The following IGSF21 variants were observed in gnomAD, a reference collection of about 807,000 sequenced individuals.
IGSF21 encodes the protein immunoglobulin superfamily member 21.
In IGSF21, 28 loss-of-function variants were observed where a neutral mutation model predicts 46.8. The ratio of observed to expected loss-of-function variants is 0.60; its 90% CI spans 0.44 to 0.82. The LOEUF is 0.82. IGSF21 is among the 40% of genes least tolerant of loss of function. The probability of loss-of-function intolerance (pLI) is 0.00; values close to 1 mark genes in which losing one functional copy is unlikely to be tolerated. For synonymous variants in IGSF21, 284 were observed against 273.6 expected (o/e 1.04, Z -0.38); for missense variants, 624 against 665.5 (o/e 0.94, Z 0.69).
intron 2 of IGSF21, among the ~76,000 whole-genome samples, chr1:18,264,875 C>T (rs984233871): frequency 1.3e-5 from 2 of 152,108 alleles, no homozygotes; most frequent in African/African-American, 4.8e-5. Context: ...ATGAAGAAGA[C>T]AGGGCCTGCT....
chr1:18,245,814 A>G (rs1005957639), intron 2 of IGSF21, among the ~76,000 whole-genome samples: 1 of 152,152 alleles, frequency 6.6e-6, no homozygotes, highest in African/African-American at 2.4e-5. Flanking sequence ...CAGGGGCCTT[A>G]TGAGGGAATG....
At chr1:18,292,090 C>T in intron 3 of IGSF21, 103 bp downstream of exon 3, 1 of 1,265,768 alleles carries the variant, frequency 7.9e-7, no homozygotes. Context: ...TCCCTCGGTG[C>T]TCTTGGGCTT....
rs149120881 is a variant in IGSF21 at position 18,269,477 on chromosome 1, C to T, written c.184-22389C>T. 4.6e-5 allele frequency among the ~76,000 whole-genome samples: 7 copies of T among 152,228 alleles called. No individual in the cohort carries two copies. In the East Asian group the frequency reaches 1.4e-3, roughly 29 times the overall value. On this transcript the variant is annotated intron_variant, in intron 2 of 9. Coordinates refer to ENST00000251296, the MANE Select transcript of IGSF21 (RefSeq NM_032880.5). ...TTTACAAGGAAAAGCTTACTGTGGG[C>T]TCCCCTCAGCCAAGAAGTGAGACTG...
intron 2 of IGSF21, among the ~76,000 whole-genome samples, chr1:18,242,719 A>G (rs1053812028): frequency 6.6e-6 from 1 of 152,146 alleles, no homozygotes. Flanking sequence ...TTCTTTGGAG[A>G]CAGAGAAGTG....
intron 3 of IGSF21, among the ~76,000 whole-genome samples, chr1:18,299,413 T>C (rs1214769407): frequency 1.3e-5 from 2 of 152,378 alleles, no homozygotes; most frequent in East Asian, 1.9e-4. Flanking sequence ...TTTTTTACAG[T>C]TGATACAAAG....
chr1:18,370,371 A>G (rs182396613), intron 6 of IGSF21, among the ~76,000 whole-genome samples: 1 of 152,332 alleles, frequency 6.6e-6, no homozygotes, highest in East Asian at 1.9e-4. Flanking sequence ...AGTTCTCTTA[A>G]AAAATGACCC....
Position 18,228,050 on chromosome 1 carries a change from G to T in IGSF21, c.183+40G>T. On this transcript the variant is annotated intron_variant, in intron 2 of 9. Coordinates refer to ENST00000251296, the MANE Select transcript of IGSF21 (RefSeq NM_032880.5). The stretch of plus-strand genomic sequence containing the variant: ...CTGCCCCCTTCATGCCCATGGCCAG[G>T]ACTGGTGTGAGGTCCTCAGAGCCCT... 2.0e-6 allele frequency: 3 copies of T among 1,502,052 alleles called. No individual in the cohort carries two copies. In the South Asian group the frequency reaches 3.4e-5, roughly 17 times the overall value. The allele number at this position is 1,502,052 out of a possible 1,614,324, so 93.0% of individuals were successfully genotyped here.
chr1:18,329,864 C>T (rs1032641609), intron 3 of IGSF21, among the ~76,000 whole-genome samples: 1 of 152,234 alleles, frequency 6.6e-6, no homozygotes, highest in Non-Finnish European at 1.5e-5. Context: ...CCAGCGCTTG[C>T]ATGGCCTTAC....
intron 2 of IGSF21, among the ~76,000 whole-genome samples, chr1:18,246,905 T>C (rs1427385072): frequency 6.6e-6 from 1 of 152,068 alleles, no homozygotes; most frequent in Non-Finnish European, 1.5e-5. Context: ...TCTTTGTTGG[T>C]TATTGATGCT....
intron 3 of IGSF21, among the ~76,000 whole-genome samples, chr1:18,308,365 A>G (rs1350135901): frequency 1.3e-5 from 2 of 152,168 alleles, no homozygotes; most frequent in African/African-American, 2.4e-5. Flanking sequence ...TTCATTCAGC[A>G]AACACGTAGT....
intron 1 of IGSF21, among the ~76,000 whole-genome samples, chr1:18,150,638 C>T (rs866711753): frequency 1.3e-5 from 2 of 152,286 alleles, no homozygotes; most frequent in Middle Eastern, 3.4e-3. Context: ...AGTCCACATA[C>T]ATTTGACCCC....
intron 3 of IGSF21, among the ~76,000 whole-genome samples, chr1:18,305,635 T>C (rs774748140): frequency 6.6e-6 from 1 of 152,144 alleles, no homozygotes; most frequent in African/African-American, 2.4e-5. Context: ...AGCTTCCAGA[T>C]GAATCATCAG....
intron 1 of IGSF21, among the ~76,000 whole-genome samples, chr1:18,158,101 G>A (rs758627752): frequency 3.3e-5 from 5 of 152,022 alleles, no homozygotes; most frequent in Non-Finnish European, 7.4e-5. Context: ...GCTCAGTGGC[G>A]CCCCCATCAG....
chr1:18,136,024 AT>A (rs1162011546), intron 1 of IGSF21, among the ~76,000 whole-genome samples: 1 of 151,746 alleles, frequency 6.6e-6, no homozygotes, highest in Non-Finnish European at 1.5e-5. Flanking sequence ...GATGATGAGC[AT>A]TTTTTCATGT....
At chr1:18,340,334 A>G (rs2085819271) in intron 4 of IGSF21, among the ~76,000 whole-genome samples, 1 of 152,106 alleles carries the variant, frequency 6.6e-6, no homozygotes, top group Non-Finnish European at 1.5e-5. Flanking sequence ...TGGTAAAGCA[A>G]TGTCAGGAAA....
intron 1 of IGSF21, among the ~76,000 whole-genome samples, chr1:18,161,392 G>A (rs1348210753): frequency 6.6e-6 from 1 of 152,148 alleles, no homozygotes; most frequent in Non-Finnish European, 1.5e-5. Context: ...CACCAGCCCA[G>A]GCCTGCCTGA....
chr1:18,146,956 G>A (rs2086475756), intron 1 of IGSF21, among the ~76,000 whole-genome samples: 1 of 152,122 alleles, frequency 6.6e-6, no homozygotes, highest in African/African-American at 2.4e-5. Context: ...TAAAAACATG[G>A]TCACCCTGAT....
chr1:18,377,036 C>A, intron 8 of IGSF21, 44 bp downstream of exon 8: 1 of 1,544,126 alleles, frequency 6.5e-7, no homozygotes, highest in South Asian at 1.2e-5. Flanking sequence ...ACCACAGGGG[C>A]GGGTCCTGTC....
rs35019096 is a variant in IGSF21 at position 18,367,603 on chromosome 1, C to CTTTTTTTTTTTTTTTTTT, written c.1015+1911_1015+1928dup. The stretch of plus-strand genomic sequence containing the variant: ...GACCTTTGATATTCTCTCTCTCTCT[C>CTTTTTTTTTTTTTTTTTT]TTTTTTTTTTTTTTTTTTTTTTGAC... On this transcript the variant is annotated intron_variant, in intron 6 of 9. Coordinates refer to ENST00000251296, the MANE Select transcript of IGSF21 (RefSeq NM_032880.5). 3.9e-4 allele frequency among the ~76,000 whole-genome samples: 29 copies of CTTTTTTTTTTTTTTTTTT among 73,962 alleles called. 2 individuals carry two copies. Among genetic ancestry groups the CTTTTTTTTTTTTTTTTTT allele is most frequent in the Non-Finnish European group, 5.3e-4 (21 of 39,558 alleles). The allele number at this position is 73,962 out of a possible 152,430, so 48.5% of individuals were successfully genotyped here.
Sources: allele counts gnomAD v4.1 joint callset (sites outside exome capture counted in the v4.1 genomes callset), GRCh38; gene constraint gnomAD v4.1.1; transcripts MANE v1.5; gene names NCBI Gene and HGNC (gene_info 2026-07-23, HGNC 2026-07-21).